The following PDE8B variants were observed in gnomAD, a reference collection of about 807,000 sequenced individuals.
PDE8B encodes the protein phosphodiesterase 8B.
In PDE8B, 26 loss-of-function variants were observed where a neutral mutation model predicts 101.3. The observed-to-expected ratio is 0.26, with a 90% CI of 0.19 to 0.36. PDE8B has a LOEUF of 0.36. PDE8B is among the 10% of genes least tolerant of loss of function. PDE8B has a pLI of 1.00. For synonymous variants in PDE8B, 424 were observed against 429.3 expected, an observed-to-expected ratio of 0.99 and a Z score of 0.15; for missense variants, 810 against 1,163.1, an observed-to-expected ratio of 0.70 and a Z score of 4.42.
chr5:77,134,342 A>G, the PDE8B span: 2 of 152,282 alleles, frequency 1.3e-5, no homozygotes, highest in Non-Finnish European at 2.9e-5. Flanking sequence ...AAGTGGAAGC[A>G]GGAGTGGACC....
chr5:77,287,232 T>TTTA lies in PDE8B; in HGVS notation c.340-24744_340-24742dup, dbSNP rs962550735. ...CTGTTTTTGTTTGTCTGGAAATTCT[T>TTTA]TTATTATTATTATTATTATTGAAGT... is the stretch of plus-strand genomic sequence containing the variant. On this transcript the variant is annotated intron_variant, in intron 1 of 21. Transcript: ENST00000264917. Among the ~76,000 whole-genome samples, 63 of 151,944 alleles carry TTTA rather than the reference T, an allele frequency of 4.1e-4. No homozygotes were observed. In the East Asian group the frequency reaches 8.9e-3, roughly 21 times the overall value.
At chr5:77,325,248 G>T (rs1017296744) in intron 2 of PDE8B, among the ~76,000 whole-genome samples, 1 of 152,192 alleles carries the variant, frequency 6.6e-6, no homozygotes, top group African/African-American at 2.4e-5. Flanking sequence ...GTTCACTGCA[G>T]CTTCTACCTC....
chr5:77,235,226 G>A (rs746011765), intron 1 of PDE8B, among the ~76,000 whole-genome samples: 2 of 152,162 alleles, frequency 1.3e-5, no homozygotes, highest in East Asian at 1.9e-4. Flanking sequence ...GTGCGTGCAC[G>A]TGCTTGAGGA....
the PDE8B span, chr5:77,131,044 C>A: frequency 0.17 from 25,666 of 152,298 alleles, 2,679 homozygotes; most frequent in East Asian, 0.46. Flanking sequence ...TAGTTACCTG[C>A]AATGTCTCTA....
chr5:77,255,071 G>T (rs1758827237), intron 1 of PDE8B, among the ~76,000 whole-genome samples: 1 of 152,132 alleles, frequency 6.6e-6, no homozygotes, highest in South Asian at 2.1e-4. Context: ...CTCCGAAGTG[G>T]TGCCCTCCCA....
At chr5:77,264,931 C>G (rs1489885256) in intron 1 of PDE8B, among the ~76,000 whole-genome samples, 1 of 152,178 alleles carries the variant, frequency 6.6e-6, no homozygotes, top group East Asian at 1.9e-4. Flanking sequence ...TACTTTATTC[C>G]CAGGGACATT....
the PDE8B span, among the ~76,000 whole-genome samples, chr5:77,095,098 T>G: frequency 1.3e-5 from 2 of 152,240 alleles, no homozygotes; most frequent in Non-Finnish European, 2.9e-5. Flanking sequence ...TGCCCTTGTT[T>G]GATGAGAGGA....
At chr5:77,400,961 C>A (rs1013099839) in intron 11 of PDE8B, among the ~76,000 whole-genome samples, 4 of 152,162 alleles carry the variant, frequency 2.6e-5, no homozygotes, top group African/African-American at 9.7e-5. Flanking sequence ...GCTTTCCCAG[C>A]CACTAATGCA....
intron 7 of PDE8B, among the ~76,000 whole-genome samples, chr5:77,348,368 G>A (rs149821585): frequency 3.9e-4 from 59 of 152,298 alleles, no homozygotes; most frequent in African/African-American, 1.4e-3. Context: ...GGGTGGGACA[G>A]GACCTGGGAG....
At chr5:77,379,437 A>T (rs887600266) in intron 10 of PDE8B, among the ~76,000 whole-genome samples, 2 of 152,232 alleles carry the variant, frequency 1.3e-5, no homozygotes, top group Admixed American at 6.5e-5. Flanking sequence ...TACCATTAAG[A>T]TAAAAGGGGA....
chr5:77,411,933 CAG>C (rs1179082617), intron 15 of PDE8B, among the ~76,000 whole-genome samples, 165 bp from the exon 16 acceptor site: 1 of 152,226 alleles, frequency 6.6e-6, no homozygotes. Context: ...TACATTTAAA[CAG>C]AGTTAAAGTG....
At chr5:77,425,716 T>C in intron 20 of PDE8B, 51 bp from the exon 21 acceptor site, 2 of 1,593,582 alleles carry the variant, frequency 1.3e-6, no homozygotes, top group Non-Finnish European at 1.7e-6. Flanking sequence ...GATATTACTG[T>C]GAAAGTGTCT....
chr5:77,240,294 C>T (rs981970957), intron 1 of PDE8B, among the ~76,000 whole-genome samples: 21 of 152,168 alleles, frequency 1.4e-4, no homozygotes, highest in African/African-American at 4.8e-4. Context: ...GCTGGGACTA[C>T]AGACGCCCGC....
chr5:77,217,865 A>G (rs1250602917), intron 1 of PDE8B, among the ~76,000 whole-genome samples: 1 of 152,162 alleles, frequency 6.6e-6, no homozygotes, highest in Admixed American at 6.5e-5. Flanking sequence ...AAGTTGTAGT[A>G]TATATTAGTT....
intron 1 of PDE8B, among the ~76,000 whole-genome samples, chr5:77,275,152 G>A (rs1306573036): frequency 6.6e-6 from 1 of 152,048 alleles, no homozygotes; most frequent in African/African-American, 2.4e-5. Flanking sequence ...CTGAGTTCAG[G>A]ATTTGTGACC....
chr5:77,097,687 A>ATATATCTATATATATATATCTATATATC, the PDE8B span, among the ~76,000 whole-genome samples: 1 of 37,550 alleles, frequency 2.7e-5, no homozygotes, highest in Non-Finnish European at 7.7e-5. Context: ...TGGAGATTTT[A>ATATATCTATATATATATATCTATATATC]TATATCTATA....
chr5:77,360,197 C>G (rs1002510857), intron 10 of PDE8B, among the ~76,000 whole-genome samples: 3 of 152,026 alleles, frequency 2.0e-5, no homozygotes, highest in African/African-American at 7.2e-5. Context: ...ATCTCTAATG[C>G]ATTGAAGACC....
intron 9 of PDE8B, among the ~76,000 whole-genome samples, chr5:77,352,338 C>T (rs1281715030): frequency 3.3e-5 from 5 of 152,228 alleles, no homozygotes; most frequent in Admixed American, 2.0e-4. Flanking sequence ...CTAAGAATCC[C>T]TTTCTGTGTG....
At chr5:77,411,762 C>T in intron 15 of PDE8B, 41 bp downstream of exon 15, 1 of 1,438,442 alleles carries the variant, frequency 7.0e-7, no homozygotes, top group African/African-American at 1.4e-5. Context: ...AACCTGTCTC[C>T]AGCCTGTGCT....
Sources: allele counts gnomAD v4.1 joint callset (sites outside exome capture counted in the v4.1 genomes callset), GRCh38; gene constraint gnomAD v4.1.1; transcripts MANE v1.5; gene names NCBI Gene and HGNC (gene_info 2026-07-23, HGNC 2026-07-21).